KCNH8: variants seen among roughly 807,000 people sequenced by gnomAD.
The protein encoded by KCNH8 is potassium voltage-gated channel subfamily H member 8.
In KCNH8, 70 loss-of-function variants were observed where a neutral mutation model predicts 103.6. The observed-to-expected ratio is 0.68, with a 90% CI of 0.56 to 0.82. The LOEUF is 0.82. KCNH8 is among the 40% of genes least tolerant of loss of function. The pLI, the probability that KCNH8 is intolerant of heterozygous loss-of-function variation, is 0.00. For missense variants in KCNH8, 1,217 were observed against 1,329.9 expected (o/e 0.92, Z 1.32); for synonymous variants, 498 against 489.4 (o/e 1.02, Z -0.23).
chr3:19,258,939 C>CTATATA (rs1157867394), intron 2 of KCNH8, among the ~76,000 whole-genome samples: 12 of 74,096 alleles, frequency 1.6e-4, no homozygotes, highest in African/African-American at 3.4e-4. Flanking sequence ...CTCTCTCTCT[C>CTATATA]TCTCTCTCTA....
At chr3:19,526,723 G>A (rs538323361) in intron 15 of KCNH8, among the ~76,000 whole-genome samples, 16 of 152,038 alleles carry the variant, frequency 1.1e-4, no homozygotes, top group Non-Finnish European at 1.9e-4. Context: ...TCCATGAGAC[G>A]TGGATATTAT....
chr3:19,174,002 T>TC lies in KCNH8; in HGVS notation c.76+25211dup, dbSNP rs955311778. Among the ~76,000 whole-genome samples, 37 of 150,782 alleles carry TC rather than the reference T, an allele frequency of 2.5e-4. 1 individual carries two copies. The highest frequency in any genetic ancestry group is 2.3e-3 in the Admixed American group (34 of 14,986). Reference sequence around the variant, plus strand: ...GTTATAATCACATTCCTTTTTTTTCTCCCCTATTACCACTCTGACTTTGCC... The same window carrying TC: ...GTTATAATCACATTCCTTTTTTTTCTCCCCCTATTACCACTCTGACTTTGCC... On this transcript the variant is annotated intron_variant, in intron 1 of 15. Transcript: ENST00000328405.
intron 11 of KCNH8, among the ~76,000 whole-genome samples, chr3:19,495,782 C>T (rs368799570): frequency 9.6e-4 from 145 of 151,830 alleles, no homozygotes; most frequent in African/African-American, 3.3e-3. Flanking sequence ...CTGTAAATTA[C>T]TCTATGCAGT....
At chr3:19,440,729 A>G (rs1326305102) in intron 8 of KCNH8, among the ~76,000 whole-genome samples, 7 of 152,146 alleles carry the variant, frequency 4.6e-5, no homozygotes, top group Non-Finnish European at 8.8e-5. Flanking sequence ...CTGAATGTCT[A>G]TTATATGCCA....
At chr3:19,230,615 A>G (rs547417748) in intron 1 of KCNH8, among the ~76,000 whole-genome samples, 14 of 152,360 alleles carry the variant, frequency 9.2e-5, no homozygotes, top group African/African-American at 3.4e-4. Context: ...TGTACCTTAA[A>G]AAACTTTGAA....
chr3:19,429,162 C>CT (rs575154927), intron 7 of KCNH8, among the ~76,000 whole-genome samples: 1,027 of 89,802 alleles, frequency 0.011, 105 homozygotes, highest in African/African-American at 0.013. Context: ...AGAATCCACT[C>CT]TTTTTTTTTT....
At chr3:19,186,316 C>G (rs2063502590) in intron 1 of KCNH8, among the ~76,000 whole-genome samples, 2 of 150,010 alleles carry the variant, frequency 1.3e-5, no homozygotes, top group Admixed American at 1.3e-4. Context: ...AAAAAAATTG[C>G]AACGCACCAT....
At chr3:19,350,660 A>C (rs545952937) in intron 5 of KCNH8, among the ~76,000 whole-genome samples, 1 of 152,290 alleles carries the variant, frequency 6.6e-6, no homozygotes, top group South Asian at 2.1e-4. Flanking sequence ...CCTGCAGCTG[A>C]GGGTCCTGAC....
chr3:19,413,330 G>A (rs1264800029), intron 7 of KCNH8, among the ~76,000 whole-genome samples: 2 of 151,944 alleles, frequency 1.3e-5, no homozygotes, highest in East Asian at 3.9e-4. Context: ...TAGACATCAG[G>A]TGCTCATGGA....
At chr3:19,421,417 A>T (rs1220154122) in intron 7 of KCNH8, among the ~76,000 whole-genome samples, 1 of 152,160 alleles carries the variant, frequency 6.6e-6, no homozygotes. Context: ...CATTAGAATG[A>T]TAGCAACCTG....
intron 3 of KCNH8, among the ~76,000 whole-genome samples, chr3:19,283,840 G>C (rs976554692): frequency 4.0e-5 from 6 of 151,040 alleles, no homozygotes; most frequent in African/African-American, 1.5e-4. Context: ...CTATTTGGGA[G>C]GCTGAGGTGA....
At chr3:19,234,865 C>A (rs1183491439) in intron 1 of KCNH8, among the ~76,000 whole-genome samples, 1 of 152,254 alleles carries the variant, frequency 6.6e-6, no homozygotes, top group Non-Finnish European at 1.5e-5. Flanking sequence ...TGAATGCACC[C>A]TGCAATAGAA....
chr3:19,448,497 A>G (rs528093063), intron 8 of KCNH8, among the ~76,000 whole-genome samples: 3 of 152,088 alleles, frequency 2.0e-5, no homozygotes, highest in Non-Finnish European at 4.4e-5. Context: ...TACCTAGGAA[A>G]TAATTTTAAT....
chr3:19,268,797 T>G (rs2064549323), intron 2 of KCNH8, among the ~76,000 whole-genome samples: 1 of 152,076 alleles, frequency 6.6e-6, no homozygotes, highest in Non-Finnish European at 1.5e-5. Context: ...TCCAGGTGAT[T>G]CTGATGCTCA....
At chr3:19,295,355 G>A (rs1400225114) in intron 3 of KCNH8, among the ~76,000 whole-genome samples, 1 of 151,674 alleles carries the variant, frequency 6.6e-6, no homozygotes, top group Non-Finnish European at 1.5e-5. Context: ...CTGTGCTCCA[G>A]CCTGGGTGAC....
At chr3:19,505,953 TCTG>T (rs1352038158) in intron 11 of KCNH8, among the ~76,000 whole-genome samples, 2 of 152,220 alleles carry the variant, frequency 1.3e-5, no homozygotes, top group Non-Finnish European at 2.9e-5. Context: ...CTTGGTTTAT[TCTG>T]CTCTTAATAA....
At chr3:19,164,821 C>A (rs1263641833) in intron 1 of KCNH8, among the ~76,000 whole-genome samples, 1 of 152,174 alleles carries the variant, frequency 6.6e-6, no homozygotes, top group Admixed American at 6.5e-5. Flanking sequence ...GAATAAAGTA[C>A]CCACAAGGCT....
chr3:19,526,336 A>AGTT (rs2069063901), intron 15 of KCNH8, among the ~76,000 whole-genome samples: 1 of 152,004 alleles, frequency 6.6e-6, no homozygotes, highest in Non-Finnish European at 1.5e-5. Flanking sequence ...CGGAAGTTCC[A>AGTT]GTTATACTCA....
intron 1 of KCNH8, among the ~76,000 whole-genome samples, chr3:19,201,258 A>AAAAAAAAAAAAAAG (rs2063658557): frequency 6.8e-6 from 1 of 146,622 alleles, no homozygotes; most frequent in South Asian, 2.1e-4. Flanking sequence ...AAAAAAAAAA[A>AAAAAAAAAAAAAAG]AAAAGAAAAG....
Sources: allele counts gnomAD v4.1 joint callset (sites outside exome capture counted in the v4.1 genomes callset), GRCh38; gene constraint gnomAD v4.1.1; transcripts MANE v1.5; gene names NCBI Gene and HGNC (gene_info 2026-07-23, HGNC 2026-07-21).